FSIP1: variants seen among roughly 807,000 people sequenced by gnomAD.
FSIP1 encodes fibrous sheath-interacting protein 1.
Under a neutral mutation model 60.9 loss-of-function variants are expected in FSIP1, and 65 were observed. That is an observed-to-expected ratio of 1.07 (90% CI 0.87 to 1.31). The LOEUF (loss-of-function observed/expected upper bound fraction) is 1.31, where lower values mean the gene tolerates loss of function less well. Among genes scored for constraint, FSIP1 ranks in the 40% most tolerant of loss-of-function variants. The pLI, the probability that FSIP1 is intolerant of heterozygous loss-of-function variation, is 0.00. For missense variants in FSIP1, 675 were observed against 665.5 expected, an observed-to-expected ratio of 1.01 and a Z score of -0.16; for synonymous variants, 209 against 221.2, an observed-to-expected ratio of 0.94 and a Z score of 0.49.
At chr15:39,655,252 T>C (rs1032952020) in intron 10 of FSIP1, among the ~76,000 whole-genome samples, 2 of 152,210 alleles carry the variant, frequency 1.3e-5, no homozygotes, top group Non-Finnish European at 2.9e-5. Flanking sequence ...CAATCCTTTC[T>C]GGAAAAGAAA....
chr15:39,734,633 T>C (rs1052664215), intron 8 of FSIP1, among the ~76,000 whole-genome samples: 5 of 152,106 alleles, frequency 3.3e-5, no homozygotes, highest in African/African-American at 1.2e-4. Context: ...TTTTTAAAAC[T>C]TGAAGGTTAA....
chr15:39,620,074 G>T (rs1277418129), intron 10 of FSIP1, among the ~76,000 whole-genome samples: 1 of 151,796 alleles, frequency 6.6e-6, no homozygotes, highest in Non-Finnish European at 1.5e-5. Flanking sequence ...AAAACAAAAA[G>T]TTTTACAAAA....
rs373785337 is a variant in FSIP1, at chr15:39,641,838, A to G, written c.1189-23593T>C. 3.4e-4 allele frequency among the ~76,000 whole-genome samples: 52 copies of G among 152,316 alleles called. No individual in the cohort carries two copies. In the East Asian group the frequency reaches 8.3e-3, roughly 24 times the overall value. ...ACCAGCAAACGTAAAAACGGAAAACACCAGAGCTCTAAACAGATTACCCAG... is the reference window on the plus strand; with the variant it reads ...ACCAGCAAACGTAAAAACGGAAAACGCCAGAGCTCTAAACAGATTACCCAG... On this transcript the variant is annotated intron_variant, in intron 10 of 11. Coordinates refer to ENST00000350221, the MANE Select transcript of FSIP1 (RefSeq NM_152597.5).
intron 10 of FSIP1, among the ~76,000 whole-genome samples, chr15:39,620,899 C>A (rs1446866898): frequency 6.6e-6 from 1 of 151,008 alleles, no homozygotes; most frequent in Non-Finnish European, 1.5e-5. Context: ...AGCCACCATG[C>A]CCAGCCCAAA....
At chr15:39,605,872 A>C (rs548435447) in intron 11 of FSIP1, among the ~76,000 whole-genome samples, 2 of 152,252 alleles carry the variant, frequency 1.3e-5, no homozygotes, top group Admixed American at 1.3e-4. Context: ...AAGCCATCTT[A>C]TATGATAGAC....
At chr15:39,659,083 T>C (rs1352520609) in intron 10 of FSIP1, among the ~76,000 whole-genome samples, 2 of 152,192 alleles carry the variant, frequency 1.3e-5, no homozygotes, top group African/African-American at 2.4e-5. Flanking sequence ...TATAATTCCA[T>C]GTATATGAAA....
chr15:39,749,309 T>A (rs906228105), intron 5 of FSIP1, among the ~76,000 whole-genome samples: 3 of 144,614 alleles, frequency 2.1e-5, no homozygotes, highest in Non-Finnish European at 4.5e-5. Context: ...TAACATATTT[T>A]ATGAAGCCAG....
At position 39,655,182 on chromosome 15, in the gene FSIP1, G is replaced by A. The variant is rs576401969; in HGVS notation, c.1189-36937C>T. ...CTGTTTTCTCCTTATTGGCAATGGT[G>A]AGAAGGAATACTATATGAAAAGAGA... On this transcript the variant is annotated intron_variant, in intron 10 of 11. Coordinates refer to ENST00000350221, the MANE Select transcript of FSIP1 (RefSeq NM_152597.5). Among the ~76,000 whole-genome samples, 3 of 152,308 alleles carry A rather than the reference G, an allele frequency of 2.0e-5. No homozygotes were observed. The South Asian group carries it at 6.2e-4, about 32-fold the overall frequency.
At chr15:39,744,750 C>CTG (rs1555397499) in intron 5 of FSIP1, among the ~76,000 whole-genome samples, 55,924 of 139,820 alleles carry the variant, frequency 0.4, 11,002 homozygotes, top group Non-Finnish European at 0.43. Context: ...GTCTGTCTGT[C>CTG]TCTCTCTCTC....
At chr15:39,728,666 G>A (rs1372278212) in intron 8 of FSIP1, among the ~76,000 whole-genome samples, 1 of 152,102 alleles carries the variant, frequency 6.6e-6, no homozygotes. Flanking sequence ...ACCCTTAGAA[G>A]ATAACCTAGG....
At chr15:39,614,386 T>C (rs7172057) in intron 11 of FSIP1, among the ~76,000 whole-genome samples, 4,020 of 152,176 alleles carry the variant, frequency 0.026, 168 homozygotes, top group African/African-American at 0.092. Context: ...TTGACAACTA[T>C]AGAACACTGA....
chr15:39,641,010 C>T (rs1283627852), intron 10 of FSIP1, among the ~76,000 whole-genome samples: 1 of 152,114 alleles, frequency 6.6e-6, no homozygotes, highest in Admixed American at 6.5e-5. Flanking sequence ...CTTCTCAGGC[C>T]ATATTTAGTT....
chr15:39,740,647 T>C (rs1050782477), intron 6 of FSIP1, among the ~76,000 whole-genome samples: 6 of 152,212 alleles, frequency 3.9e-5, no homozygotes, highest in Non-Finnish European at 7.3e-5. Context: ...ACAAAGTTTA[T>C]ATAAAATTTA....
chr15:39,597,794 T>C (rs926750367), downstream of FSIP1: 1 of 152,156 alleles, frequency 6.6e-6, no homozygotes, highest in East Asian at 1.9e-4. Context: ...CTTTTCAAAG[T>C]GCAGTATGAA....
At chr15:39,608,018 T>C (rs1425776841) in intron 11 of FSIP1, among the ~76,000 whole-genome samples, 1 of 152,202 alleles carries the variant, frequency 6.6e-6, no homozygotes, top group East Asian at 1.9e-4. Context: ...AAGCACATAA[T>C]GGACAATTTA....
intron 5 of FSIP1, among the ~76,000 whole-genome samples, chr15:39,742,568 A>G (rs996412189): frequency 2.0e-5 from 3 of 152,190 alleles, no homozygotes; most frequent in African/African-American, 7.2e-5. Flanking sequence ...CCCTAATGTG[A>G]GGGAATCTGC....
chr15:39,649,254 G>T (rs1892764262), intron 10 of FSIP1, among the ~76,000 whole-genome samples: 1 of 152,136 alleles, frequency 6.6e-6, no homozygotes, highest in African/African-American at 2.4e-5. Context: ...AGCCAGTGTG[G>T]CTCCCACTCC....
intron 9 of FSIP1, among the ~76,000 whole-genome samples, chr15:39,723,677 C>T (rs142844404): frequency 6.6e-6 from 1 of 152,162 alleles, no homozygotes; most frequent in East Asian, 1.9e-4. Flanking sequence ...GAAATTCTTT[C>T]TTAAGGAGTA....
intron 3 of FSIP1, among the ~76,000 whole-genome samples, chr15:39,766,289 T>C (rs576535422): frequency 6.6e-6 from 1 of 152,352 alleles, no homozygotes; most frequent in African/African-American, 2.4e-5. Flanking sequence ...TCTATGCTGC[T>C]TCTTTTGTTC....
Sources: allele counts gnomAD v4.1 joint callset (sites outside exome capture counted in the v4.1 genomes callset), GRCh38; gene constraint gnomAD v4.1.1; transcripts MANE v1.5; gene names NCBI Gene and HGNC (gene_info 2026-07-23, HGNC 2026-07-21).